The following RAD54B variants were observed in gnomAD, a reference collection of about 807,000 sequenced individuals.
The protein encoded by RAD54B is RAD54 homolog B.
In RAD54B, 78 loss-of-function variants were observed where a neutral mutation model predicts 95.8. The ratio of observed to expected loss-of-function variants is 0.81; its 90% CI spans 0.68 to 0.98. The LOEUF (loss-of-function observed/expected upper bound fraction) is 0.98. RAD54B is among the 50% of genes least tolerant of loss of function. The probability of loss-of-function intolerance (pLI) is 0.00; values close to 1 mark genes in which losing one functional copy is unlikely to be tolerated. For synonymous variants in RAD54B, 328 were observed against 354.9 expected (o/e 0.92, Z 0.85); for missense variants, 957 against 1,056.6 (o/e 0.91, Z 1.31).
chr8:94,392,967 G>A (rs1035998248), intron 9 of RAD54B, among the ~76,000 whole-genome samples: 6 of 151,306 alleles, frequency 4.0e-5, no homozygotes, highest in African/African-American at 1.5e-4. Context: ...GGGACTACAG[G>A]CATGTGCCAC....
chr8:94,432,208 G>T, intron 3 of RAD54B: 3 of 1,550,164 alleles, frequency 1.9e-6, no homozygotes, highest in Non-Finnish European at 2.6e-6. Flanking sequence ...TTTGCTCTTA[G>T]TAGCTCTTCC....
intron 11 of RAD54B, among the ~76,000 whole-genome samples, chr8:94,380,732 C>T (rs566211365): frequency 2.8e-4 from 43 of 152,192 alleles, no homozygotes; most frequent in Non-Finnish European, 5.0e-4. Flanking sequence ...CATAGTGAAG[C>T]AGTCACCTGC....
intron 3 of RAD54B, among the ~76,000 whole-genome samples, chr8:94,426,708 G>A (rs75354112): frequency 0.033 from 5,056 of 152,232 alleles, 106 homozygotes; most frequent in Non-Finnish European, 0.049. Context: ...CAAGAAGACT[G>A]ATTAGAAGCA....
In RAD54B at chr8:94,458,579, A is replaced by G. The variant is rs1812830994; in HGVS notation, c.136-143T>C. The G allele has an allele frequency of 1.4e-5, 9 of 639,516 alleles. No homozygotes were observed. The East Asian group carries it at 3.1e-4, about 22-fold the overall frequency. 39.6% of individuals were successfully genotyped at this position (639,516 alleles called of 1,614,324 possible). On this transcript the variant is annotated intron_variant, in intron 2 of 14. Coordinates refer to ENST00000336148, the MANE Select transcript of RAD54B (RefSeq NM_012415.3). The stretch of plus-strand genomic sequence containing the variant: ...AGAACTAGATATTTAAAAATAAATT[A>G]ATATCTGCTGGGCATGGTGGCTCAT...
chr8:94,409,382 T>C (rs1465804524), intron 4 of RAD54B, among the ~76,000 whole-genome samples: 2 of 151,728 alleles, frequency 1.3e-5, no homozygotes, highest in African/African-American at 4.8e-5. Flanking sequence ...TTCTTTCTTT[T>C]TTTTTTTTAA....
intron 10 of RAD54B, 76 bp from the exon 11 acceptor site, chr8:94,387,235 G>A: frequency 8.1e-7 from 1 of 1,237,864 alleles, no homozygotes; most frequent in Non-Finnish European, 1.1e-6. Context: ...TAAAATTATG[G>A]AAGGAAAAAG....
At position 94,393,785 on chromosome 8, in the gene RAD54B, A is replaced by G. The variant is rs778430017; in HGVS notation, c.1476T>C (p.Tyr492=). The part of the protein sequence containing the change: ...LGSLSSYRKI[Y]EEPIILSREP... ...CTCTCGATAAAATGATGGGTTCTTC[A>G]TATATTTTCCTATAAGATGACAAAG... The change falls in exon 9 of 15, where the codon TAT becomes TAC. Residue 492 remains tyrosine (Y), a synonymous_variant. Transcript: ENST00000336148. 9 of 1,585,980 alleles carry G rather than the reference A, an allele frequency of 5.7e-6. No individual in the cohort carries two copies. The highest frequency in any genetic ancestry group is 7.8e-6 in the Non-Finnish European group (9 of 1,156,126).
At position 94,411,273 on chromosome 8, in the gene RAD54B, T is replaced by C. The variant is rs1338718485; in HGVS notation, c.347A>G (p.Glu116Gly). 6.2e-7 allele frequency: 1 copy of C among 1,605,814 alleles called. No individual in the cohort carries two copies. The highest frequency in any genetic ancestry group is 8.5e-7 in the Non-Finnish European group (1 of 1,178,046). ...TTTAACTAGGCTATCAGATTTCTCTTCTTGTTCCTTGGACACTGCTACTTC... is the reference window on the plus strand; with the variant it reads ...TTTAACTAGGCTATCAGATTTCTCTCCTTGTTCCTTGGACACTGCTACTTC... The part of the protein sequence containing the change: ...PKEVAVSKEQ[E>G]EKSDSLVKYF... Residue 116 changes from glutamate (E) to glycine (G), a missense_variant, in exon 4 of 15, where the codon GAA becomes GGA. By Grantham distance (98) the Glu-to-Gly change is moderately conservative. Transcript: ENST00000336148.
At chr8:94,450,744 G>A (rs983658154) in intron 3 of RAD54B, among the ~76,000 whole-genome samples, 3 of 152,038 alleles carry the variant, frequency 2.0e-5, no homozygotes, top group Admixed American at 1.3e-4. Context: ...GCTGAGTGTG[G>A]TGGTGGACGC....
At chr8:94,377,163 G>A (rs527276832) in intron 14 of RAD54B, among the ~76,000 whole-genome samples, 27 of 152,244 alleles carry the variant, frequency 1.8e-4, no homozygotes, top group Non-Finnish European at 3.5e-4. Flanking sequence ...ACCCCATTAT[G>A]AATAAATTCT....
At chr8:94,471,283 C>T (rs1813167166) in intron 1 of RAD54B, among the ~76,000 whole-genome samples, 2 of 150,656 alleles carry the variant, frequency 1.3e-5, no homozygotes, top group South Asian at 4.2e-4. Context: ...GGGGGCAGTA[C>T]TTTAAAAAAA....
chr8:94,432,277 T>G lies in RAD54B; in HGVS notation c.305-20962A>C, dbSNP rs1228041268. The G allele has an allele frequency of 3.9e-6, 6 of 1,550,316 alleles. No individual in the cohort carries two copies. In the South Asian group the frequency reaches 7.1e-5, roughly 18 times the overall value. ...TTCTCCTGAACATACAATCCAAAAT[T>G]TTTTTGATTTTCTAAAATTATCTGA... On this transcript the variant is annotated intron_variant, in intron 3 of 14. Transcript: ENST00000336148.
At chr8:94,382,370 G>A (rs1034767521) in intron 11 of RAD54B, among the ~76,000 whole-genome samples, 1 of 152,118 alleles carries the variant, frequency 6.6e-6, no homozygotes, top group Non-Finnish European at 1.5e-5. Context: ...AAAACAACAT[G>A]TAAAGCAATG....
intron 3 of RAD54B, among the ~76,000 whole-genome samples, chr8:94,424,093 A>G (rs1271127086): frequency 6.6e-6 from 1 of 151,678 alleles, no homozygotes; most frequent in East Asian, 1.9e-4. Context: ...AAAAACAATG[A>G]ACAAGATAAC....
intron 5 of RAD54B, among the ~76,000 whole-genome samples, chr8:94,405,968 ATAAT>A (rs1270896667): frequency 2.0e-5 from 3 of 151,622 alleles, no homozygotes; most frequent in Admixed American, 1.3e-4. Flanking sequence ...ATACATAAGA[ATAAT>A]TAACCATTTA....
At chr8:94,431,033 A>G in intron 3 of RAD54B, 1 of 985,200 alleles carries the variant, frequency 1.0e-6, no homozygotes, top group African/African-American at 1.7e-5. Flanking sequence ...AATTACACCC[A>G]CCCCATTCTA....
chr8:94,402,835 A>G (rs1743784212), intron 6 of RAD54B, among the ~76,000 whole-genome samples: 2 of 152,222 alleles, frequency 1.3e-5, no homozygotes, highest in African/African-American at 4.8e-5. Context: ...AATAGTCTAG[A>G]TAAAATATGA....
intron 3 of RAD54B, among the ~76,000 whole-genome samples, chr8:94,450,046 C>T (rs1431130390): frequency 6.6e-6 from 1 of 152,130 alleles, no homozygotes; most frequent in Non-Finnish European, 1.5e-5. Flanking sequence ...AATCATAAAA[C>T]CTAATTTATT....
At chr8:94,462,719 TA>T (rs1300832859) in intron 2 of RAD54B, among the ~76,000 whole-genome samples, 1 of 152,186 alleles carries the variant, frequency 6.6e-6, no homozygotes, top group African/African-American at 2.4e-5. Flanking sequence ...CTAATACTTT[TA>T]GGCTTCTCAT....
Sources: allele counts gnomAD v4.1 joint callset (sites outside exome capture counted in the v4.1 genomes callset), GRCh38; gene constraint gnomAD v4.1.1; transcripts MANE v1.5; gene names NCBI Gene and HGNC (gene_info 2026-07-23, HGNC 2026-07-21).